WDPCP: variants seen among roughly 807,000 people sequenced by gnomAD.
WDPCP encodes WD repeat containing planar cell polarity effector.
In WDPCP, 71 loss-of-function variants were observed where a neutral mutation model predicts 93.1. The ratio of observed to expected loss-of-function variants is 0.76; its 90% CI spans 0.63 to 0.93. WDPCP has a LOEUF of 0.93. WDPCP is among the 40% of genes least tolerant of loss of function. WDPCP has a pLI of 0.00. For synonymous variants in WDPCP, 315 were observed against 315.0 expected (o/e 1.00, Z 0.00); for missense variants, 844 against 887.4 (o/e 0.95, Z 0.62).
chr2:63,539,001 C>G (rs1704514713), intron 1 of WDPCP, among the ~76,000 whole-genome samples: 1 of 152,124 alleles, frequency 6.6e-6, no homozygotes, highest in African/African-American at 2.4e-5. Context: ...ATTTCTCAGA[C>G]TTTTCTCAAT....
intron 1 of WDPCP, among the ~76,000 whole-genome samples, chr2:63,578,859 A>G (rs1381904097): frequency 6.6e-6 from 1 of 152,126 alleles, no homozygotes; most frequent in Non-Finnish European, 1.5e-5. Flanking sequence ...CATGAGATTC[A>G]CTTATTCTTA....
intron 13 of WDPCP, among the ~76,000 whole-genome samples, chr2:63,289,791 G>T (rs913319688): frequency 6.6e-6 from 1 of 151,672 alleles, no homozygotes; most frequent in South Asian, 2.1e-4. Context: ...TTGAAGCTCA[G>T]TTATCTTCTT....
At chr2:63,714,893 T>C (rs1390248901) in intron 2 of WDPCP, among the ~76,000 whole-genome samples, 1 of 152,110 alleles carries the variant, frequency 6.6e-6, no homozygotes, top group Non-Finnish European at 1.5e-5. Context: ...ACATTCACAA[T>C]AGTCAAAGGT....
At chr2:63,774,965 AC>A (rs1234441837) in intron 2 of WDPCP, among the ~76,000 whole-genome samples, 1 of 152,134 alleles carries the variant, frequency 6.6e-6, no homozygotes, top group Non-Finnish European at 1.5e-5. Context: ...CTTGTCCCTA[AC>A]TATAAGATTT....
At chr2:63,405,862 A>T (rs565874308) in intron 9 of WDPCP, among the ~76,000 whole-genome samples, 1 of 152,260 alleles carries the variant, frequency 6.6e-6, no homozygotes, top group South Asian at 2.1e-4. Flanking sequence ...ACACGTTAAA[A>T]TTTTATAGAA....
At chr2:63,230,730 G>A (rs1414931848) in intron 14 of WDPCP, among the ~76,000 whole-genome samples, 1 of 152,140 alleles carries the variant, frequency 6.6e-6, no homozygotes, top group East Asian at 1.9e-4. Context: ...CTGCATAAAT[G>A]TCTTCTTTTG....
chr2:63,145,572 A>T (rs974304025), intron 17 of WDPCP, among the ~76,000 whole-genome samples: 2 of 152,172 alleles, frequency 1.3e-5, no homozygotes, highest in Non-Finnish European at 2.9e-5. Context: ...CCCAGCTCCC[A>T]TGCAAACTGA....
chr2:63,483,967 T>C (rs1280072273), intron 6 of WDPCP, among the ~76,000 whole-genome samples: 1 of 151,976 alleles, frequency 6.6e-6, no homozygotes, highest in Non-Finnish European at 1.5e-5. Context: ...TATTGTCCAA[T>C]AGAACTGTCT....
chr2:63,295,686 T>C (rs1684790858), intron 13 of WDPCP, among the ~76,000 whole-genome samples: 1 of 152,054 alleles, frequency 6.6e-6, no homozygotes, highest in Non-Finnish European at 1.5e-5. Context: ...TTAATTCCTA[T>C]ACGTCCTCCC....
chr2:63,575,615 A>G lies in WDPCP; in HGVS notation c.75+12582T>C, dbSNP rs1708058979. 4.1e-5 allele frequency among the ~76,000 whole-genome samples: 6 copies of G among 147,606 alleles called. No homozygotes were observed. The South Asian group carries it at 1.3e-3, about 31-fold the overall frequency. On this transcript the variant is annotated intron_variant, in intron 1 of 17. Coordinates refer to ENST00000272321, the MANE Select transcript of WDPCP (RefSeq NM_015910.7). ...TACTATAGTATATATACGGTATACT[A>G]CCAAAGGTATTTACTATACAGTATA...
At chr2:63,193,972 A>G (rs1675229734) in intron 14 of WDPCP, among the ~76,000 whole-genome samples, 1 of 152,208 alleles carries the variant, frequency 6.6e-6, no homozygotes, top group African/African-American at 2.4e-5. Flanking sequence ...TACTGGTAAG[A>G]CCATTAGATT....
chr2:63,138,386 T>TTTAA (rs551544165), intron 17 of WDPCP, among the ~76,000 whole-genome samples: 1 of 152,076 alleles, frequency 6.6e-6, no homozygotes, highest in Non-Finnish European at 1.5e-5. Context: ...GCTATTTTAT[T>TTTAA]TTAATTAATT....
At chr2:63,506,746 C>A (rs1203289095) in intron 1 of WDPCP, among the ~76,000 whole-genome samples, 1 of 152,040 alleles carries the variant, frequency 6.6e-6, no homozygotes, top group Non-Finnish European at 1.5e-5. Flanking sequence ...CCTGCCAACA[C>A]AGTTGGCCAA....
chr2:63,754,656 G>C (rs1669934480), intron 2 of WDPCP, among the ~76,000 whole-genome samples: 1 of 152,166 alleles, frequency 6.6e-6, no homozygotes, highest in Non-Finnish European at 1.5e-5. Flanking sequence ...GATGTGGGGA[G>C]TGGAGAAACT....
chr2:63,360,294 T>G (rs1690348841), intron 12 of WDPCP, among the ~76,000 whole-genome samples: 1 of 152,232 alleles, frequency 6.6e-6, no homozygotes, highest in Admixed American at 6.5e-5. Context: ...GCAGTGGTTA[T>G]GCAGAGAAAC....
chr2:63,661,165 T>G (rs534068205), intron 2 of WDPCP, among the ~76,000 whole-genome samples: 1 of 152,336 alleles, frequency 6.6e-6, no homozygotes, highest in East Asian at 1.9e-4. Context: ...GAGTACAGCT[T>G]AGCTGGGTCT....
chr2:63,587,407 C>T (rs1334243770), intron 1 of WDPCP, among the ~76,000 whole-genome samples: 2 of 152,170 alleles, frequency 1.3e-5, no homozygotes, highest in Non-Finnish European at 2.9e-5. Flanking sequence ...CAAGGAGAGT[C>T]ATTCAGGTAT....
intron 2 of WDPCP, among the ~76,000 whole-genome samples, chr2:63,670,706 T>C (rs906916277): frequency 6.6e-6 from 1 of 152,184 alleles, no homozygotes; most frequent in African/African-American, 2.4e-5. Context: ...TATGTTCCCA[T>C]CTGCCCTTTG....
At chr2:63,305,065 G>A (rs1330217959) in intron 13 of WDPCP, among the ~76,000 whole-genome samples, 1 of 152,116 alleles carries the variant, frequency 6.6e-6, no homozygotes, top group East Asian at 1.9e-4. Flanking sequence ...CTCTGGGCAG[G>A]GCATCTCTGA....
Sources: allele counts gnomAD v4.1 joint callset (sites outside exome capture counted in the v4.1 genomes callset), GRCh38; gene constraint gnomAD v4.1.1; transcripts MANE v1.5; gene names NCBI Gene and HGNC (gene_info 2026-07-23, HGNC 2026-07-21).